Variants in SP140L observed in about 807,000 individuals in gnomAD.
SP140L encodes nuclear body protein SP140-like protein.
In SP140L, 64 loss-of-function variants were observed where a neutral mutation model predicts 84.3. The observed-to-expected ratio is 0.76, with a 90% CI of 0.62 to 0.94. The LOEUF is 0.94. Among genes scored for constraint, SP140L ranks in the 40% least tolerant of loss-of-function variants. The probability of loss-of-function intolerance (pLI) is 0.00; values close to 1 mark genes in which losing one functional copy is unlikely to be tolerated. For missense variants in SP140L, 628 were observed against 692.5 expected (o/e 0.91, Z 1.05); for synonymous variants, 242 against 236.9 (o/e 1.02, Z -0.20).
chr2:230,372,893 T>A (rs969759742), intron 7 of SP140L: 2 of 152,138 alleles, frequency 1.3e-5, no homozygotes, highest in African/African-American at 4.8e-5. Context: ...GGAAAAGTTC[T>A]TGAAGGAAAT....
chr2:230,359,008 G>A lies in SP140L; in HGVS notation c.315G>A (p.Val105=). The change falls in exon 4 of 19, where the codon GTG becomes GTA. Residue 105 remains valine (V), a synonymous_variant. Transcript: ENST00000415673. ...GAAACCTGGTCCCTGTACAAAGAGT[G>A]GTGTACAATGTTCTCAGTGAACTGG... ...SCRNLVPVQR[V]VYNVLSELEK... is the part of the protein sequence containing the mutation. The A allele has an allele frequency of 1.2e-6, 2 of 1,611,970 alleles. No homozygotes were observed. The highest frequency in any genetic ancestry group is 1.7e-6 in the Non-Finnish European group (2 of 1,179,212).
intron 7 of SP140L, chr2:230,372,689 C>T (rs2061119763): frequency 3.7e-5 from 5 of 136,986 alleles, no homozygotes; most frequent in African/African-American, 1.1e-4. Context: ...CGCGCCACTG[C>T]ACTCCAACCT....
chr2:230,368,359 C>T (rs958769778), intron 5 of SP140L, among the ~76,000 whole-genome samples: 2 of 152,214 alleles, frequency 1.3e-5, no homozygotes, highest in African/African-American at 2.4e-5. Context: ...TTGAAACTCC[C>T]GTATATGTTA....
At chr2:230,382,929 T>G (rs2061455912) in intron 7 of SP140L, among the ~76,000 whole-genome samples, 1 of 152,252 alleles carries the variant, frequency 6.6e-6, no homozygotes, top group Non-Finnish European at 1.5e-5. Flanking sequence ...ACAGCCAGAT[T>G]CAGGACACTG....
intron 2 of SP140L, among the ~76,000 whole-genome samples, chr2:230,347,048 C>T (rs2060229182): frequency 6.6e-6 from 1 of 152,202 alleles, no homozygotes; most frequent in South Asian, 2.1e-4. Context: ...CTTTAGTAGT[C>T]AGTGTTTCCT....
intron 2 of SP140L, among the ~76,000 whole-genome samples, chr2:230,335,485 G>A (rs2059842796): frequency 6.6e-6 from 1 of 152,216 alleles, no homozygotes; most frequent in African/African-American, 2.4e-5. Context: ...AAATTTCTCA[G>A]TGGAACGAGT....
chr2:230,399,692 G>A (rs1327935117), intron 14 of SP140L: 1 of 154,668 alleles, frequency 6.5e-6, no homozygotes, highest in Non-Finnish European at 1.4e-5. Flanking sequence ...CCAAGAATAT[G>A]GGATGTGATG....
At chr2:230,354,853 G>GAA (rs1553617532) in intron 2 of SP140L, among the ~76,000 whole-genome samples, 3 of 53,066 alleles carry the variant, frequency 5.7e-5, no homozygotes, top group South Asian at 8.8e-4. Context: ...AGAAAGGAAA[G>GAA]AAAGAAAGAA....
At position 230,376,217 on chromosome 2, in the gene SP140L, T is replaced by C. The variant is rs75526174; in HGVS notation, c.637+4566T>C. Reference sequence around the variant, plus strand: ...CCTTGTCAAGATTAAGTGCCCCTTCTTGACATTTGTATTTATCACACTGCT... The same window carrying C: ...CCTTGTCAAGATTAAGTGCCCCTTCCTGACATTTGTATTTATCACACTGCT... On this transcript the variant is annotated intron_variant, in intron 7 of 18. Transcript: ENST00000415673. 5.2e-3 allele frequency among the ~76,000 whole-genome samples: 787 copies of C among 152,292 alleles called. 2 individuals are homozygous for C. Among genetic ancestry groups the C allele is most frequent in the African/African-American group, 0.018 (751 of 41,568 alleles).
chr2:230,400,264 C>T (rs1282656913), intron 15 of SP140L, 22 bp downstream of exon 15: 1 of 1,611,002 alleles, frequency 6.2e-7, no homozygotes, highest in Non-Finnish European at 8.5e-7. Flanking sequence ...GCAGGCACCT[C>T]TCTTTCATCC....
intron 14 of SP140L, among the ~76,000 whole-genome samples, chr2:230,397,954 G>A (rs2062126121): frequency 6.6e-6 from 1 of 152,038 alleles, no homozygotes; most frequent in African/African-American, 2.4e-5. Flanking sequence ...GCAAAGGTAT[G>A]GTCACCCCTA....
At chr2:230,337,843 C>T (rs1202592399) in intron 2 of SP140L, among the ~76,000 whole-genome samples, 4 of 152,012 alleles carry the variant, frequency 2.6e-5, no homozygotes, top group East Asian at 3.9e-4. Flanking sequence ...TGTTCTGTTC[C>T]GTTGATCTAT....
rs200010887 is a variant in SP140L at position 230,401,805 on chromosome 2, A to G, written c.1642A>G (p.Lys548Glu). 3,165 of 1,525,868 alleles carry G rather than the reference A, an allele frequency of 2.1e-3. 10 individuals carry two copies. Among genetic ancestry groups the G allele is most frequent in the Non-Finnish European group, 2.3e-3 (2,652 of 1,141,232 alleles). 94.5% of individuals were successfully genotyped at this position (1,525,868 alleles called of 1,614,324 possible). Residue 548 changes from lysine (K) to glutamate (E), a missense_variant and splice_region_variant, in exon 18 of 19, where the codon AAG (lysine) becomes GAG (glutamate). Coordinates refer to ENST00000415673, the MANE Select transcript of SP140L (RefSeq NM_138402.6). ...LIFQNHRASY[K>E]YKDFGQMGLR... is the part of the protein sequence containing the mutation. The stretch of plus-strand genomic sequence containing the variant: ...CTTCCAGAACCACAGGGCCTCTTAC[A>G]AGGTAGGTGGCTCTTCCTGCTTCCA...
rs1575512574 is a variant in SP140L, at chr2:230,380,470, G to A, written c.638-3040G>A. On this transcript the variant is annotated intron_variant, in intron 7 of 18. Coordinates refer to ENST00000415673, the MANE Select transcript of SP140L (RefSeq NM_138402.6). Reference sequence around the variant, plus strand: ...GTACCCTTCCCCCTCAAATACTTCTGCATGCATTCTTTTTTTAAGATAAAA... The same window carrying A: ...GTACCCTTCCCCCTCAAATACTTCTACATGCATTCTTTTTTTAAGATAAAA... Among the ~76,000 whole-genome samples the A allele has an allele frequency of 2.0e-5, 3 of 152,180 alleles. No individual in the cohort carries two copies. In the South Asian group the frequency reaches 6.2e-4, roughly 32 times the overall value.
intron 7 of SP140L, among the ~76,000 whole-genome samples, chr2:230,379,759 A>G (rs1487433856): frequency 6.6e-6 from 1 of 152,198 alleles, no homozygotes. Context: ...TTCTCAGTAT[A>G]GTAAAGTGAT....
At chr2:230,332,675 T>C (rs1397761097) in intron 2 of SP140L, among the ~76,000 whole-genome samples, 1 of 152,264 alleles carries the variant, frequency 6.6e-6, no homozygotes, top group Non-Finnish European at 1.5e-5. Context: ...ATTGCCCTCT[T>C]ACACATTTGC....
rs574522266 is a variant in SP140L at position 230,367,180 on chromosome 2, T to A, written c.524-3728T>A. 5.1e-4 allele frequency among the ~76,000 whole-genome samples: 78 copies of A among 152,314 alleles called. 1 individual carries two copies. Among genetic ancestry groups the A allele is most frequent in the Admixed American group, 2.2e-3 (33 of 15,302 alleles). ...TAACATGAAGCTTACAAAAAATATC[T>A]TATAGTTATAATAGGCTGTTTTAAG... On this transcript the variant is annotated intron_variant, in intron 5 of 18. Coordinates refer to ENST00000415673, the MANE Select transcript of SP140L (RefSeq NM_138402.6).
intron 11 of SP140L, among the ~76,000 whole-genome samples, chr2:230,390,900 A>G (rs1244530719): frequency 6.6e-6 from 1 of 152,100 alleles, no homozygotes; most frequent in African/African-American, 2.4e-5. Flanking sequence ...ACCTCACCCC[A>G]ATGCCCAGCC....
chr2:230,381,771 C>T (rs890748017), intron 7 of SP140L, among the ~76,000 whole-genome samples: 8 of 150,658 alleles, frequency 5.3e-5, no homozygotes, highest in African/African-American at 1.5e-4. Context: ...TTTCATAAAC[C>T]GTGAATGCTT....
Sources: allele counts gnomAD v4.1 joint callset (sites outside exome capture counted in the v4.1 genomes callset), GRCh38; gene constraint gnomAD v4.1.1; transcripts MANE v1.5; gene names NCBI Gene and HGNC (gene_info 2026-07-23, HGNC 2026-07-21).